The following FOXP2 variants were observed in gnomAD, a reference collection of about 807,000 sequenced individuals.
FOXP2 encodes the protein forkhead box P2.
In FOXP2, 12 loss-of-function variants were observed where a neutral mutation model predicts 115.8. The observed-to-expected ratio is 0.10, with a 90% CI of 0.07 to 0.17. The LOEUF is 0.17. FOXP2 is among the 10% of genes least tolerant of loss of function. FOXP2 has a pLI of 1.00. For synonymous variants in FOXP2, 328 were observed against 297.7 expected, an observed-to-expected ratio of 1.10 and a Z score of -1.05; for missense variants, 629 against 843.5, an observed-to-expected ratio of 0.75 and a Z score of 3.15.
chr7:114,496,370 CA>C (rs1554405129), intron 2 of FOXP2, among the ~76,000 whole-genome samples: 5 of 151,902 alleles, frequency 3.3e-5, no homozygotes, highest in Admixed American at 3.3e-4. Flanking sequence ...AAATTATTCA[CA>C]AAAAATTAAA....
intron 1 of FOXP2, among the ~76,000 whole-genome samples, chr7:114,278,288 G>A (rs1261815908): frequency 6.6e-6 from 1 of 151,888 alleles, no homozygotes; most frequent in East Asian, 1.9e-4. Context: ...AGTTAGAGAT[G>A]AGATTATGTA....
At chr7:114,633,937 A>C (rs183192364) in intron 6 of FOXP2, among the ~76,000 whole-genome samples, 66 of 152,234 alleles carry the variant, frequency 4.3e-4, no homozygotes, top group African/African-American at 1.5e-3. Flanking sequence ...TAGCCATATA[A>C]AAACCAAGTA....
In FOXP2 at chr7:114,431,894, G is replaced by A. The variant is rs374457473; in HGVS notation, c.168+5215G>A. Reference sequence around the variant, plus strand: ...TTTTAAATAATACAGTTCAATATCAGTATACTTATCTTGTCATTTATTTCT... The same window carrying A: ...TTTTAAATAATACAGTTCAATATCAATATACTTATCTTGTCATTTATTTCT... On this transcript the variant is annotated intron_variant, in intron 2 of 16. Transcript: ENST00000350908. 3.9e-4 allele frequency among the ~76,000 whole-genome samples: 59 copies of A among 151,926 alleles called. 1 individual carries two copies. Among genetic ancestry groups the A allele is most frequent in the African/African-American group, 1.3e-3 (55 of 41,478 alleles).
intron 1 of FOXP2, among the ~76,000 whole-genome samples, chr7:114,247,552 A>G (rs1425988279): frequency 1.3e-5 from 2 of 152,050 alleles, no homozygotes; most frequent in Non-Finnish European, 1.5e-5. Flanking sequence ...ATTTAGTAGT[A>G]TTTGTCTAAC....
chr7:114,169,035 T>C (rs1793061391), intron 1 of FOXP2, among the ~76,000 whole-genome samples: 1 of 152,196 alleles, frequency 6.6e-6, no homozygotes, highest in Admixed American at 6.5e-5. Flanking sequence ...AGAGGACGTG[T>C]GGAAATACCT....
At chr7:114,588,238 C>T (rs764980555) in intron 3 of FOXP2, among the ~76,000 whole-genome samples, 7 of 151,712 alleles carry the variant, frequency 4.6e-5, no homozygotes, top group Non-Finnish European at 8.8e-5. Context: ...ACCTGAGAGG[C>T]GGAGGTTGCC....
At chr7:114,667,042 T>A (rs1807198867) in intron 16 of FOXP2, 1 of 152,190 alleles carries the variant, frequency 6.6e-6, no homozygotes, top group Non-Finnish European at 1.5e-5. Flanking sequence ...TAAGGCACTC[T>A]GTAAGTTTGT....
intron 1 of FOXP2, among the ~76,000 whole-genome samples, chr7:114,179,838 T>C (rs1793412418): frequency 6.6e-6 from 1 of 152,030 alleles, no homozygotes; most frequent in Non-Finnish European, 1.5e-5. Context: ...ATGTAGAATA[T>C]AACTATTACT....
chr7:114,370,706 T>C (rs904367048), intron 2 of FOXP2, among the ~76,000 whole-genome samples: 1 of 152,214 alleles, frequency 6.6e-6, no homozygotes, highest in Non-Finnish European at 1.5e-5. Context: ...TAGATTATTT[T>C]TTGATAATTA....
intron 2 of FOXP2, among the ~76,000 whole-genome samples, chr7:114,313,200 A>G (rs576831873): frequency 1.3e-5 from 2 of 152,298 alleles, no homozygotes; most frequent in South Asian, 4.1e-4. Context: ...TTTCCAAGCT[A>G]AAAGACACCA....
At position 114,658,173 on chromosome 7, in the gene FOXP2, C is replaced by G. The variant is rs2129340362; in HGVS notation, c.1374C>G (p.Thr458=). The change falls in exon 11 of 17, where the codon ACC becomes ACG. Residue 458 remains threonine, a synonymous_variant. Coordinates refer to ENST00000350908, the MANE Select transcript of FOXP2 (RefSeq NM_014491.4). ...CAACGGCCCCAGTCACCCCGATTAC[C>G]CAGGGACCCTCAGTAATCACCCCAG... ...TTPTAPVTPI[T]QGPSVITPAS... 6.2e-7 allele frequency: 1 copy of G among 1,613,864 alleles called. No homozygotes were observed. Among genetic ancestry groups the G allele is most frequent in the South Asian group, 1.1e-5 (1 of 91,078 alleles).
chr7:114,262,700 A>G (rs761432831), intron 1 of FOXP2, among the ~76,000 whole-genome samples: 2 of 152,224 alleles, frequency 1.3e-5, no homozygotes, highest in Non-Finnish European at 2.9e-5. Context: ...GAACCTACCA[A>G]TATTAGACAA....
intron 3 of FOXP2, among the ~76,000 whole-genome samples, chr7:114,618,236 A>C (rs566907072): frequency 3.9e-5 from 6 of 152,342 alleles, no homozygotes; most frequent in Admixed American, 1.3e-4. Flanking sequence ...TGGAGGGTTT[A>C]TTCTTCAAGA....
intron 1 of FOXP2, among the ~76,000 whole-genome samples, chr7:114,199,589 G>C (rs1026507875): frequency 6.6e-6 from 1 of 152,102 alleles, no homozygotes; most frequent in Non-Finnish European, 1.5e-5. Flanking sequence ...CTCTGTATTT[G>C]GCCCTACTCA....
chr7:114,131,053 A>C (rs1267994583), intron 1 of FOXP2, among the ~76,000 whole-genome samples: 1 of 152,196 alleles, frequency 6.6e-6, no homozygotes, highest in Non-Finnish European at 1.5e-5. Context: ...GGTGATCAAC[A>C]GTTTACGTAT....
In FOXP2 at chr7:114,453,136, G is replaced by A. The variant is rs73434180; in HGVS notation, c.168+26457G>A. Among the ~76,000 whole-genome samples, 1,334 of 152,210 alleles carry A rather than the reference G, an allele frequency of 8.8e-3. 24 individuals carry two copies. The highest frequency in any genetic ancestry group is 0.03 in the African/African-American group (1,250 of 41,540). On this transcript the variant is annotated intron_variant, in intron 2 of 16. Coordinates refer to ENST00000350908, the MANE Select transcript of FOXP2 (RefSeq NM_014491.4). ...AGAAAACACATCAGGGATGTGAACT[G>A]TGACTAATATGAAGGAAACAACAGT...
chr7:114,172,412 T>G (rs1208426825), intron 1 of FOXP2, among the ~76,000 whole-genome samples: 1 of 152,160 alleles, frequency 6.6e-6, no homozygotes, highest in African/African-American at 2.4e-5. Context: ...CCATTCTCTA[T>G]GATATTTTAA....
intron 1 of FOXP2, among the ~76,000 whole-genome samples, chr7:114,251,439 T>C (rs374885160): frequency 1.3e-5 from 2 of 152,232 alleles, no homozygotes; most frequent in East Asian, 3.8e-4. Context: ...ACATGGAATG[T>C]TCTTCCATTT....
rs56751704 is a variant in FOXP2 at position 114,688,208 on chromosome 7, TAC to T, written c.2004-1536_2004-1535del. Among the ~76,000 whole-genome samples, 879 of 115,338 alleles carry T rather than the reference TAC, an allele frequency of 7.6e-3. 11 individuals carry two copies. The highest frequency in any genetic ancestry group is 0.029 in the East Asian group (107 of 3,700). The allele number at this position is 115,338 out of a possible 152,430, so 75.7% of individuals were successfully genotyped here. On this transcript the variant is annotated intron_variant, in intron 16 of 16. Coordinates refer to ENST00000350908, the MANE Select transcript of FOXP2 (RefSeq NM_014491.4). ...ACACACAAACACATGCATACATGCA[TAC>T]ACACACACACACACACACACACACA...
Sources: gnomAD v4.1 joint callset for allele counts (sites outside exome capture counted in the v4.1 genomes callset) on GRCh38, gnomAD v4.1.1 for gene constraint, MANE v1.5 for transcripts, NCBI Gene and HGNC (gene_info 2026-07-23, HGNC 2026-07-21) for gene names.